CASK: variants seen among roughly 807,000 people sequenced by gnomAD.
CASK encodes the protein calcium/calmodulin dependent serine protein kinase, also known as peripheral plasma membrane protein CASK.
A neutral mutation model predicts 82.9 loss-of-function variants in CASK; 4 were observed. The ratio of observed to expected loss-of-function variants is 0.05; its 90% CI spans 0.02 to 0.11. The LOEUF (loss-of-function observed/expected upper bound fraction) is 0.11, where lower values mean the gene tolerates loss of function less well. Among genes scored for constraint, CASK ranks in the 10% least tolerant of loss-of-function variants. CASK has a pLI of 1.00. For missense variants in CASK, 358 were observed against 720.9 expected (o/e 0.50, Z 5.76); for synonymous variants, 259 against 253.5 (o/e 1.02, Z -0.20).
At chrX:41,821,073 C>A (rs2070528545) in intron 2 of CASK, among the ~76,000 whole-genome samples, 1 of 111,449 alleles carries the variant, frequency 9.0e-6, no homozygotes, top group East Asian at 2.8e-4. Flanking sequence ...AGGAAAAAAA[C>A]TGTAAACTGG....
intron 1 of CASK, among the ~76,000 whole-genome samples, chrX:41,894,787 G>A (rs1022003664): frequency 9.0e-6 from 1 of 110,938 alleles, no homozygotes; most frequent in Non-Finnish European, 1.9e-5. Flanking sequence ...TGCTTAGATC[G>A]AATACCTCCC....
chrX:41,609,683 G>C (rs1179855237), intron 12 of CASK, among the ~76,000 whole-genome samples: 19 of 108,265 alleles, frequency 1.8e-4, no homozygotes, highest in African/African-American at 5.4e-4. Context: ...CCTCAGCTCA[G>C]TCCTAACTGG....
At chrX:41,814,698 A>G (rs1198316407) in intron 2 of CASK, among the ~76,000 whole-genome samples, 3 of 110,398 alleles carry the variant, frequency 2.7e-5, no homozygotes, top group Non-Finnish European at 5.7e-5. Flanking sequence ...TATGTTACAA[A>G]CCTGCACGTT....
In CASK at chrX:41,823,363, A is replaced by G. The variant is rs80061498; in HGVS notation, c.172+29752T>C. ...TAGCTCTCTCTTCTGGCAAAAAAGGAAAAAAAAAAAAAGATACTGGAATCC... is the reference window on the plus strand; with the variant it reads ...TAGCTCTCTCTTCTGGCAAAAAAGGGAAAAAAAAAAAAGATACTGGAATCC... On this transcript the variant is annotated intron_variant, in intron 2 of 26. Transcript: ENST00000378163. Among the ~76,000 whole-genome samples, 698 of 88,460 alleles carry G rather than the reference A, an allele frequency of 7.9e-3. 8 individuals carry two copies. Among genetic ancestry groups the G allele is most frequent in the African/African-American group, 0.041 (659 of 16,113 alleles). 76.8% of individuals were successfully genotyped at this position (88,460 alleles called of 115,157 possible). A position where few individuals can be genotyped will look rare whatever the true frequency, so the allele number is the denominator to read the frequency against.
intron 9 of CASK, 147 bp downstream of exon 9, chrX:41,636,431 G>T: frequency 2.1e-6 from 1 of 471,962 alleles, no homozygotes. Context: ...AAATCTTATT[G>T]AAGTGGTGGT....
chrX:41,759,079 C>G (rs908228645), intron 3 of CASK, among the ~76,000 whole-genome samples: 2 of 111,591 alleles, frequency 1.8e-5, no homozygotes, highest in African/African-American at 6.5e-5. Context: ...CTATTGATAC[C>G]TTTTTTCTTT....
At chrX:41,826,858 A>G (rs1025378712) in intron 2 of CASK, among the ~76,000 whole-genome samples, 3 of 112,239 alleles carry the variant, frequency 2.7e-5, no homozygotes, top group Non-Finnish European at 5.6e-5. Context: ...TCTTTATAAG[A>G]CATAAATATC....
At chrX:41,531,634 T>A (rs1419552993) in intron 24 of CASK, among the ~76,000 whole-genome samples, 4 of 112,376 alleles carry the variant, frequency 3.6e-5, no homozygotes, top group South Asian at 7.3e-4. Context: ...TAAATAAAAT[T>A]CAAATTTTAG....
chrX:41,709,446 T>C (rs2067937098), intron 5 of CASK, among the ~76,000 whole-genome samples: 1 of 111,778 alleles, frequency 8.9e-6, no homozygotes, highest in Non-Finnish European at 1.9e-5. Context: ...TTTAAAGCAA[T>C]AAACTAGATT....
chrX:41,790,729 G>A (rs890091909), intron 2 of CASK, among the ~76,000 whole-genome samples: 4 of 112,061 alleles, frequency 3.6e-5, no homozygotes, highest in Admixed American at 1.9e-4. Context: ...TTGTGGTCAT[G>A]TTTTCCTGAA....
intron 2 of CASK, among the ~76,000 whole-genome samples, chrX:41,804,637 GC>G (rs1215296368): frequency 9.0e-6 from 1 of 111,587 alleles, no homozygotes; most frequent in African/African-American, 3.3e-5. Context: ...GGACATGCTT[GC>G]TTTGTAAGTA....
intron 2 of CASK, among the ~76,000 whole-genome samples, chrX:41,837,622 G>A (rs910083563): frequency 4.5e-5 from 5 of 111,964 alleles, no homozygotes; most frequent in East Asian, 2.8e-4. Flanking sequence ...TTTTTTTAAC[G>A]AAGTAGAATT....
intron 11 of CASK, among the ~76,000 whole-genome samples, chrX:41,611,708 C>T: frequency 1.1e-5 from 1 of 92,766 alleles, no homozygotes; most frequent in Non-Finnish European, 2.1e-5. Context: ...TCCCCACGGT[C>T]TCCCTCTCCC....
intron 5 of CASK, among the ~76,000 whole-genome samples, chrX:41,702,918 T>C (rs1051395210): frequency 1.8e-5 from 2 of 112,437 alleles, no homozygotes; most frequent in Non-Finnish European, 3.8e-5. Context: ...CTCATACAGG[T>C]TGAATAGAAG....
At chrX:41,898,238 A>G (rs941664531) in intron 1 of CASK, among the ~76,000 whole-genome samples, 1 of 111,548 alleles carries the variant, frequency 9.0e-6, no homozygotes, top group Non-Finnish European at 1.9e-5. Context: ...CTTCTAGGCT[A>G]TCAAATTTGT....
At chrX:41,776,953 T>C (rs946688867) in intron 3 of CASK, among the ~76,000 whole-genome samples, 1 of 112,065 alleles carries the variant, frequency 8.9e-6, no homozygotes, top group African/African-American at 3.2e-5. Flanking sequence ...TTCTAAAATG[T>C]ATATGAGAAA....
At chrX:41,768,840 A>G (rs867347499) in intron 3 of CASK, among the ~76,000 whole-genome samples, 1 of 111,499 alleles carries the variant, frequency 9.0e-6, no homozygotes, top group Admixed American at 9.6e-5. Context: ...AACAAAAAAG[A>G]ATTCTTACAA....
At chrX:41,642,135 C>T (rs12011824) in intron 8 of CASK, among the ~76,000 whole-genome samples, 29 of 111,114 alleles carry the variant, frequency 2.6e-4, no homozygotes, top group African/African-American at 9.5e-4. Flanking sequence ...TTTCTTAATC[C>T]AGTCTATCAA....
intron 5 of CASK, chrX:41,727,454 T>G (rs893895494): frequency 6.6e-6 from 8 of 1,209,934 alleles, no homozygotes; most frequent in Non-Finnish European, 9.0e-6. Flanking sequence ...GGCCATTTAC[T>G]GAAAAAATTT....
Sources: allele counts gnomAD v4.1 joint callset (sites outside exome capture counted in the v4.1 genomes callset), GRCh38; gene constraint gnomAD v4.1.1; transcripts MANE v1.5; gene names NCBI Gene and HGNC (gene_info 2026-07-23, HGNC 2026-07-21).